Variants in GABRA4 observed in about 807,000 individuals in gnomAD.
The protein encoded by GABRA4 is gamma-aminobutyric acid receptor subunit alpha-4.
GABRA4 carries 12 observed loss-of-function variants against 49.7 expected under a neutral mutation model. The observed-to-expected ratio is 0.24, with a 90% CI of 0.15 to 0.39. The LOEUF is 0.39. GABRA4 is among the 10% of genes least tolerant of loss of function. The probability of loss-of-function intolerance (pLI) is 1.00; values close to 1 mark genes in which losing one functional copy is unlikely to be tolerated. For synonymous variants in GABRA4, 288 were observed against 240.2 expected, an observed-to-expected ratio of 1.20 and a Z score of -1.84; for missense variants, 506 against 686.0, an observed-to-expected ratio of 0.74 and a Z score of 2.93.
rs550895368 is a variant in GABRA4, at chr4:46,947,285, C to T, written c.1134+17685G>A. On this transcript the variant is annotated intron_variant, in intron 8 of 8. Coordinates refer to ENST00000264318, the MANE Select transcript of GABRA4 (RefSeq NM_000809.4). ...TTGTTTACCCCATTCCCCTAAGGCA[C>T]TTGATCACATCACACACGCCGTCTG... Among the ~76,000 whole-genome samples the T allele has an allele frequency of 7.9e-5, 12 of 152,134 alleles. No homozygotes were observed. In the East Asian group the frequency reaches 2.3e-3, roughly 30 times the overall value.
rs1326567469 is a variant in GABRA4 at position 46,919,587 on chromosome 4, C to T, written c.*8638G>A. 2 of 151,430 alleles carry T rather than the reference C, an allele frequency of 1.3e-5. No homozygotes were observed. Among genetic ancestry groups the T allele is most frequent in the Non-Finnish European group, 3.0e-5 (2 of 67,540 alleles). 9.4% of individuals were successfully genotyped at this position (151,430 alleles called of 1,614,324 possible). ...AGTTTTTATGATATGAGGAAATATG[C>T]ATTATTGTTTTTTTACTTCTATAAT... On this transcript the variant is annotated 3_prime_UTR_variant, in exon 9 of 9. Transcript: ENST00000264318.
rs1435712448 is a variant in GABRA4, at chr4:46,921,933, C to T, written c.*6292G>A. On this transcript the variant is annotated 3_prime_UTR_variant, in exon 9 of 9. Coordinates refer to ENST00000264318, the MANE Select transcript of GABRA4 (RefSeq NM_000809.4). ...TATATCTTGGGCAGGATGTAGATTTCAATAAGTATCATTATCCTGCGATGT... is the reference window on the plus strand; with the variant it reads ...TATATCTTGGGCAGGATGTAGATTTTAATAAGTATCATTATCCTGCGATGT... 3 of 151,966 alleles carry T rather than the reference C, an allele frequency of 2.0e-5. No homozygotes were observed. The highest frequency in any genetic ancestry group is 1.5e-5 in the Non-Finnish European group (1 of 67,996). The allele number at this position is 151,966 out of a possible 1,614,324, so 9.4% of individuals were successfully genotyped here.
chr4:46,980,055 A>G (rs1247038817), intron 2 of GABRA4, among the ~76,000 whole-genome samples: 1 of 152,068 alleles, frequency 6.6e-6, no homozygotes, highest in Non-Finnish European at 1.5e-5. Flanking sequence ...TCTTCTAGTA[A>G]TATCATCTTC....
intron 8 of GABRA4, among the ~76,000 whole-genome samples, chr4:46,935,756 G>A (rs988319583): frequency 1.3e-5 from 2 of 152,080 alleles, no homozygotes; most frequent in Admixed American, 6.6e-5. Context: ...ACCATGGCAC[G>A]TGTATACCTA....
intron 8 of GABRA4, among the ~76,000 whole-genome samples, chr4:46,958,195 A>G (rs2109365777): frequency 6.6e-6 from 1 of 152,054 alleles, no homozygotes; most frequent in East Asian, 1.9e-4. Context: ...TGTCTGTGTT[A>G]TATTGAATAT....
At chr4:46,963,168 T>C (rs1416470330) in intron 8 of GABRA4, among the ~76,000 whole-genome samples, 1 of 151,714 alleles carries the variant, frequency 6.6e-6, no homozygotes, top group East Asian at 1.9e-4. Flanking sequence ...AACTCATAGA[T>C]TGGGAGAAAA....
intron 7 of GABRA4, among the ~76,000 whole-genome samples, chr4:46,966,781 T>A (rs2109378381): frequency 6.6e-6 from 1 of 151,918 alleles, no homozygotes; most frequent in Admixed American, 6.6e-5. Flanking sequence ...TGAGAATCCA[T>A]ACAGAGAAAG....
Position 46,974,248 on chromosome 4 carries a change from G to A in GABRA4, c.705C>T (p.Thr235=). The change falls in exon 6 of 9, where the codon ACC becomes ACT. Residue 235 remains threonine (T), a synonymous_variant. Transcript: ENST00000264318. ...ACATCTCACCCGTAATTGATTTGATGGTTTCACTTGATACGGTTTGCCCAA... is the reference window on the plus strand; with the variant it reads ...ACATCTCACCCGTAATTGATTTGATAGTTTCACTTGATACGGTTTGCCCAA... ...DLIGQTVSSE[T]IKSITGEYIV... is the part of the protein sequence containing the mutation. 1 of 1,610,108 alleles carries A rather than the reference G, an allele frequency of 6.2e-7. No individual in the cohort carries two copies. The highest frequency in any genetic ancestry group is 8.5e-7 in the Non-Finnish European group (1 of 1,177,718).
intron 8 of GABRA4, among the ~76,000 whole-genome samples, chr4:46,960,263 A>C (rs1722525367): frequency 6.6e-6 from 1 of 151,772 alleles, no homozygotes. Context: ...TTACATGTTG[A>C]ATATCATAGC....
Position 46,925,539 on chromosome 4 carries a change from A to C in GABRA4, c.*2686T>G, listed in dbSNP as rs1033540853. 1 of 151,542 alleles carries C rather than the reference A, an allele frequency of 6.6e-6. No individual in the cohort carries two copies. Among genetic ancestry groups the C allele is most frequent in the African/African-American group, 2.4e-5 (1 of 41,346 alleles). The allele number at this position is 151,542 out of a possible 1,614,324, so 9.4% of individuals were successfully genotyped here. ...TCATTATTATTCATAGATAACCAGA[A>C]CTTTGGGTGCCCCTAATCATTCTTC... On this transcript the variant is annotated 3_prime_UTR_variant, in exon 9 of 9. Coordinates refer to ENST00000264318, the MANE Select transcript of GABRA4 (RefSeq NM_000809.4).
Position 46,993,493 on chromosome 4 carries a change from G to T in GABRA4, c.-69C>A. On this transcript the variant is annotated 5_prime_UTR_variant, in exon 1 of 9. Transcript: ENST00000264318. ...TCTTCAGATGCCCTGAGCAGGGTGC[G>T]AGGAGAGGGCAGAGAGGCTCCCGCG... 3 of 1,523,112 alleles carry T rather than the reference G, an allele frequency of 2.0e-6. No homozygotes were observed. Among genetic ancestry groups the T allele is most frequent in the Non-Finnish European group, 1.8e-6 (2 of 1,099,470 alleles). The allele number at this position is 1,523,112 out of a possible 1,614,324, so 94.3% of individuals were successfully genotyped here.
intron 4 of GABRA4, 121 bp downstream of exon 4, chr4:46,977,289 G>T (rs1723171212): frequency 1.9e-6 from 1 of 535,442 alleles, no homozygotes; most frequent in Non-Finnish European, 3.2e-6. Flanking sequence ...AGGAAGGGAG[G>T]GAGGAAGGGA....
At chr4:46,936,982 C>G (rs1721622350) in intron 8 of GABRA4, among the ~76,000 whole-genome samples, 1 of 152,208 alleles carries the variant, frequency 6.6e-6, no homozygotes, top group South Asian at 2.1e-4. Context: ...TTAATCATTA[C>G]TGTGGACTGG....
Position 46,928,473 on chromosome 4 carries a change from C to G in GABRA4, c.1417G>C (p.Ala473Pro), listed in dbSNP as rs372839020. The change falls in exon 9 of 9, where the codon GCT (alanine) becomes CCT (proline). Residue 473 changes from alanine (A) to proline (P), a missense_variant. Physicochemically the swap from Ala to Pro is conservative, Grantham distance 27. Around this residue, in one of 5 missense-constraint regions of GABRA4, gnomAD observed 243 missense variants for 210.8 expected, o/e 1.15. Transcript: ENST00000264318. ...GATCCAAACACGTGACGAGTAGAAG[C>G]AGATCCAACTGAAGCCTTTCGAGGC... is the stretch of plus-strand genomic sequence containing the variant. ...YMPRKASVGSASTRHVFGSRL... is the reference protein window; with the variant it reads ...YMPRKASVGSPSTRHVFGSRL... The G allele has an allele frequency of 1.2e-6, 2 of 1,613,512 alleles. No individual in the cohort carries two copies. Among genetic ancestry groups the G allele is most frequent in the African/African-American group, 2.7e-5 (2 of 74,878 alleles).
intron 8 of GABRA4, among the ~76,000 whole-genome samples, chr4:46,946,587 T>A (rs962861014): frequency 1.3e-5 from 2 of 152,134 alleles, no homozygotes; most frequent in African/African-American, 2.4e-5. Context: ...GCTAAATTAT[T>A]GATTCACTTC....
intron 8 of GABRA4, among the ~76,000 whole-genome samples, chr4:46,935,505 A>C (rs2109341740): frequency 6.6e-6 from 1 of 152,326 alleles, no homozygotes; most frequent in Middle Eastern, 3.4e-3. Flanking sequence ...ACGGGAAACA[A>C]AATTTTAGAA....
chr4:46,933,431 A>G (rs1225200035), intron 8 of GABRA4, among the ~76,000 whole-genome samples: 1 of 152,176 alleles, frequency 6.6e-6, no homozygotes, highest in Non-Finnish European at 1.5e-5. Context: ...TCTGGCTGAG[A>G]ATGCCTTAGA....
chr4:46,957,470 G>T (rs1464056038), intron 8 of GABRA4, among the ~76,000 whole-genome samples: 3 of 151,846 alleles, frequency 2.0e-5, no homozygotes, highest in African/African-American at 7.2e-5. Flanking sequence ...TGGAAATAAA[G>T]AGAAATAGCA....
intron 5 of GABRA4, among the ~76,000 whole-genome samples, chr4:46,975,467 AC>A (rs1212988798): frequency 6.6e-6 from 1 of 151,932 alleles, no homozygotes; most frequent in East Asian, 1.9e-4. Context: ...TGCTAGAATA[AC>A]CTTTTTCTTT....
Sources: gnomAD v4.1 joint callset for allele counts (sites outside exome capture counted in the v4.1 genomes callset) on GRCh38, gnomAD v4.1.1 for gene constraint, gnomAD v4.1.1 regional missense constraint, MANE v1.5 for transcripts, NCBI Gene and HGNC (gene_info 2026-07-23, HGNC 2026-07-21) for gene names.